PTPRA: variants seen among roughly 807,000 people sequenced by gnomAD.
The protein encoded by PTPRA is receptor-type tyrosine-protein phosphatase alpha.
PTPRA carries 25 observed loss-of-function variants against 104.8 expected under a neutral mutation model. The ratio of observed to expected loss-of-function variants is 0.24; its 90% CI spans 0.17 to 0.33. PTPRA has a LOEUF of 0.33. Ranked by LOEUF, PTPRA falls within the 10% of genes least tolerant of loss-of-function variation. The pLI is 1.00. For synonymous variants in PTPRA, 323 were observed against 368.9 expected (o/e 0.88, Z 1.43); for missense variants, 765 against 1,015.3 (o/e 0.75, Z 3.35).
At chr20:3,036,965 A>G (rs1263803326) in intron 22 of PTPRA, among the ~76,000 whole-genome samples, 189 bp from the exon 23 acceptor site, 1 of 152,154 alleles carries the variant, frequency 6.6e-6, no homozygotes, top group Non-Finnish European at 1.5e-5. Context: ...TCCACAGCAC[A>G]TGGGGCCATG....
At chr20:2,938,607 CTG>C (rs910050305) in intron 2 of PTPRA, among the ~76,000 whole-genome samples, 1 of 151,924 alleles carries the variant, frequency 6.6e-6, no homozygotes, top group African/African-American at 2.4e-5. Context: ...GACTTTGAAA[CTG>C]TGTTCATTTC....
intron 5 of PTPRA, among the ~76,000 whole-genome samples, 164 bp from the exon 6 acceptor site, chr20:2,975,051 T>A (rs543946624): frequency 1.8e-4 from 27 of 152,350 alleles, no homozygotes; most frequent in African/African-American, 6.3e-4. Context: ...CAGACCACTG[T>A]CCAAAGTTTA....
At chr20:2,928,202 C>T (rs1344009093) in intron 2 of PTPRA, among the ~76,000 whole-genome samples, 5 of 152,130 alleles carry the variant, frequency 3.3e-5, no homozygotes, top group Non-Finnish European at 7.4e-5. Context: ...GTGGCGCGAT[C>T]TTGGCTCACT....
intron 5 of PTPRA, among the ~76,000 whole-genome samples, chr20:2,974,458 G>T (rs904473174): frequency 6.7e-6 from 1 of 150,320 alleles, no homozygotes; most frequent in African/African-American, 2.5e-5. Context: ...ATAGAGTCTC[G>T]CTCTGTTACC....
intron 11 of PTPRA, among the ~76,000 whole-genome samples, chr20:3,015,248 AC>A (rs2064376541): frequency 6.6e-6 from 1 of 151,880 alleles, no homozygotes; most frequent in Non-Finnish European, 1.5e-5. Flanking sequence ...AGCATCAGAA[AC>A]ATGGTCTAAT....
At chr20:2,928,930 A>C (rs536855019) in intron 2 of PTPRA, among the ~76,000 whole-genome samples, 2 of 151,500 alleles carry the variant, frequency 1.3e-5, no homozygotes, top group Non-Finnish European at 2.9e-5. Flanking sequence ...CCCAGGTTCA[A>C]GCAATCCTCC....
intron 22 of PTPRA, 112 bp downstream of exon 22, chr20:3,036,053 T>G: frequency 6.5e-7 from 1 of 1,541,272 alleles, no homozygotes; most frequent in Non-Finnish European, 8.8e-7. Flanking sequence ...AAGATATTGG[T>G]GAGCACATAG....
At chr20:2,923,075 G>A in intron 1 of PTPRA, 132 bp from the exon 2 acceptor site, 1 of 304,706 alleles carries the variant, frequency 3.3e-6, no homozygotes, top group Admixed American at 5.1e-5. Context: ...ATAGGCATGT[G>A]CCACCCTGCC....
At chr20:2,957,302 G>T (rs1271025922) in intron 3 of PTPRA, among the ~76,000 whole-genome samples, 1 of 152,062 alleles carries the variant, frequency 6.6e-6, no homozygotes, top group Non-Finnish European at 1.5e-5. Flanking sequence ...AAAAAAAAAA[G>T]ATGGTATCTC....
intron 9 of PTPRA, among the ~76,000 whole-genome samples, chr20:2,998,986 CATATT>C (rs1279505495): frequency 1.1e-4 from 16 of 150,284 alleles, no homozygotes; most frequent in South Asian, 4.2e-4. Flanking sequence ...ATTAATATGA[CATATT>C]ATAGAATTAA....
chr20:2,987,025 A>G (rs1468772464), intron 7 of PTPRA, among the ~76,000 whole-genome samples, 176 bp downstream of exon 7: 1 of 152,186 alleles, frequency 6.6e-6, no homozygotes, highest in African/African-American at 2.4e-5. Flanking sequence ...AAAGCTCTAC[A>G]TAGTCTTCCT....
At chr20:3,017,952 C>T in intron 13 of PTPRA, 39 bp downstream of exon 13, 1 of 1,514,930 alleles carries the variant, frequency 6.6e-7, no homozygotes, top group Non-Finnish European at 9.2e-7. Flanking sequence ...AGAAGGATCA[C>T]TCTGCATATA....
At position 3,037,374 on chromosome 20, in the gene PTPRA, A is replaced by G. The variant is rs2065850923; in HGVS notation, c.2334+85A>G. The G allele has an allele frequency of 3.8e-6, 6 of 1,560,156 alleles. No homozygotes were observed. Among genetic ancestry groups the G allele is most frequent in the Non-Finnish European group, 4.3e-6 (5 of 1,155,292 alleles). ...GGAGGCTCTTCAGAGGGGCCCACCCAGTAGTCAGAAGACTGTCTAAACACA... is the reference window on the plus strand; with the variant it reads ...GGAGGCTCTTCAGAGGGGCCCACCCGGTAGTCAGAAGACTGTCTAAACACA... On this transcript the variant is annotated intron_variant, in intron 23 of 23. Transcript: ENST00000399903. This position sits in a 1 kb window ranked among gnomAD's most constrained non-coding sequence, Gnocchi z 4.3.
At chr20:2,976,971 T>C (rs553460159) in intron 6 of PTPRA, among the ~76,000 whole-genome samples, 1 of 152,318 alleles carries the variant, frequency 6.6e-6, no homozygotes, top group South Asian at 2.1e-4. Flanking sequence ...TATTTTCTCA[T>C]GCATATTATT....
chr20:2,975,130 G>A (rs1034977828), intron 5 of PTPRA, 85 bp from the exon 6 acceptor site: 1 of 1,209,236 alleles, frequency 8.3e-7, no homozygotes, highest in Admixed American at 2.2e-5. Flanking sequence ...TCCTAATCCT[G>A]GAGCTTGTTT....
At chr20:2,985,884 C>T (rs1351101097) in intron 6 of PTPRA, among the ~76,000 whole-genome samples, 2 of 148,640 alleles carry the variant, frequency 1.3e-5, no homozygotes, top group Non-Finnish European at 3.0e-5. Context: ...CAGCTGTCTC[C>T]TTGTTTGTTT....
intron 1 of PTPRA, among the ~76,000 whole-genome samples, chr20:2,876,288 T>C (rs1259238693): frequency 6.6e-6 from 1 of 151,756 alleles, no homozygotes; most frequent in Non-Finnish European, 1.5e-5. Flanking sequence ...TACAAAAGAG[T>C]ATATAGAGAA....
intron 3 of PTPRA, among the ~76,000 whole-genome samples, chr20:2,952,794 T>G (rs1244500242): frequency 1.3e-5 from 2 of 152,192 alleles, no homozygotes; most frequent in African/African-American, 4.8e-5. Flanking sequence ...CTCTAAGTAC[T>G]TCATATAAGT....
intron 1 of PTPRA, among the ~76,000 whole-genome samples, chr20:2,917,463 G>C (rs993279295): frequency 4.0e-5 from 6 of 151,892 alleles, no homozygotes; most frequent in Admixed American, 1.3e-4. Context: ...TTATTCAAAA[G>C]TCTTAACAAA....
Sources: allele counts gnomAD v4.1 joint callset (sites outside exome capture counted in the v4.1 genomes callset), GRCh38; gene constraint gnomAD v4.1.1; non-coding constraint Gnocchi (gnomAD v3.1); transcripts MANE v1.5; gene names NCBI Gene and HGNC (gene_info 2026-07-23, HGNC 2026-07-21).